Variants in DENND1B observed in about 807,000 individuals in gnomAD.
DENND1B encodes the protein DENN domain-containing protein 1B.
In DENND1B, 59 loss-of-function variants were observed where a neutral mutation model predicts 90.1. The ratio of observed to expected loss-of-function variants is 0.65; its 90% CI spans 0.53 to 0.81. DENND1B has a LOEUF of 0.81. Among genes scored for constraint, DENND1B ranks in the 40% least tolerant of loss-of-function variants. DENND1B has a pLI of 0.00. For synonymous variants in DENND1B, 337 were observed against 324.6 expected, an observed-to-expected ratio of 1.04 and a Z score of -0.41; for missense variants, 862 against 912.6, an observed-to-expected ratio of 0.94 and a Z score of 0.71.
chr1:197,672,253 C>T (rs1424484290), intron 4 of DENND1B, 97 bp from the exon 5 acceptor site: 2 of 1,368,142 alleles, frequency 1.5e-6, no homozygotes, highest in Non-Finnish European at 2.0e-6. Flanking sequence ...ACATTGGTTT[C>T]ATCTTTCTAA....
At chr1:197,732,655 T>C (rs1662256113) in intron 2 of DENND1B, among the ~76,000 whole-genome samples, 1 of 152,120 alleles carries the variant, frequency 6.6e-6, no homozygotes, top group Admixed American at 6.5e-5. Flanking sequence ...CATTAATACA[T>C]CCAAGCAAGA....
At chr1:197,518,454 T>C (rs1013268160) in intron 20 of DENND1B, among the ~76,000 whole-genome samples, 15 of 151,862 alleles carry the variant, frequency 9.9e-5, no homozygotes, top group Non-Finnish European at 2.1e-4. Context: ...CTTATTGGGG[T>C]AAGGAAGGCC....
intron 15 of DENND1B, among the ~76,000 whole-genome samples, chr1:197,567,887 G>T (rs966105919): frequency 2.0e-5 from 3 of 152,006 alleles, no homozygotes; most frequent in African/African-American, 7.2e-5. Context: ...TAAGGAACAA[G>T]ACAAGAGTTC....
chr1:197,678,841 T>C (rs1419094999), intron 3 of DENND1B, among the ~76,000 whole-genome samples: 3 of 152,184 alleles, frequency 2.0e-5, no homozygotes, highest in East Asian at 1.9e-4. Context: ...TCCAGCTTCA[T>C]CCATGTCCCT....
chr1:197,659,443 A>G (rs1654185817), intron 5 of DENND1B, among the ~76,000 whole-genome samples: 2 of 152,032 alleles, frequency 1.3e-5, no homozygotes. Flanking sequence ...ATTTAAAATG[A>G]TAATTACAAA....
At chr1:197,570,474 T>C (rs564362695) in intron 15 of DENND1B, among the ~76,000 whole-genome samples, 9 of 152,296 alleles carry the variant, frequency 5.9e-5, no homozygotes, top group African/African-American at 1.7e-4. Context: ...CTGGTAAGAA[T>C]AATCTTAAGA....
chr1:197,666,639 C>A (rs548284837), intron 5 of DENND1B, among the ~76,000 whole-genome samples: 2 of 152,230 alleles, frequency 1.3e-5, no homozygotes, highest in South Asian at 4.1e-4. Flanking sequence ...TGATTGCAAA[C>A]AAAAAGGCTT....
chr1:197,599,980 C>G (rs1264913972), intron 13 of DENND1B, among the ~76,000 whole-genome samples: 1 of 151,830 alleles, frequency 6.6e-6, no homozygotes. Flanking sequence ...GTTTATTTCA[C>G]TACAGCTATA....
chr1:197,587,489 G>A (rs1674804819), intron 14 of DENND1B, among the ~76,000 whole-genome samples: 1 of 152,164 alleles, frequency 6.6e-6, no homozygotes, highest in African/African-American at 2.4e-5. Flanking sequence ...ATCTGCAGTA[G>A]AATCGGAATA....
chr1:197,667,511 C>G (rs982403342), intron 5 of DENND1B, among the ~76,000 whole-genome samples: 1 of 152,076 alleles, frequency 6.6e-6, no homozygotes, highest in Non-Finnish European at 1.5e-5. Context: ...CTAACTGCAA[C>G]CTCCGCCTCC....
chr1:197,715,182 T>C (rs1431147020), intron 2 of DENND1B, 108 bp from the exon 3 acceptor site: 1 of 776,142 alleles, frequency 1.3e-6, no homozygotes, highest in Non-Finnish European at 2.0e-6. Flanking sequence ...AATTACAACA[T>C]TTAAATTTTT....
chr1:197,750,344 CAAGAG>C (rs1653303982), intron 2 of DENND1B, among the ~76,000 whole-genome samples: 1 of 150,998 alleles, frequency 6.6e-6, no homozygotes, highest in Non-Finnish European at 1.5e-5. Flanking sequence ...AAAACAAAGC[CAAGAG>C]AAGAGAAAAG....
chr1:197,582,876 C>G (rs2125773288), intron 15 of DENND1B, among the ~76,000 whole-genome samples: 1 of 152,246 alleles, frequency 6.6e-6, no homozygotes, highest in African/African-American at 2.4e-5. Flanking sequence ...ATAAGTAAAA[C>G]TAGTCATGTT....
At chr1:197,698,393 C>T (rs1046908114) in intron 3 of DENND1B, among the ~76,000 whole-genome samples, 2 of 152,058 alleles carry the variant, frequency 1.3e-5, no homozygotes, top group Non-Finnish European at 2.9e-5. Flanking sequence ...ATACCAGAAT[C>T]TCTGGTACAT....
At chr1:197,685,073 G>A (rs916385273) in intron 3 of DENND1B, among the ~76,000 whole-genome samples, 16 of 152,012 alleles carry the variant, frequency 1.1e-4, no homozygotes, top group Admixed American at 3.3e-4. Context: ...AGCCGAGATC[G>A]CACCACTGCA....
chr1:197,705,742 A>ATG (rs1659468257), intron 3 of DENND1B, among the ~76,000 whole-genome samples: 1 of 151,546 alleles, frequency 6.6e-6, no homozygotes, highest in Admixed American at 6.6e-5. Context: ...ATATATATAT[A>ATG]TATATTGGAA....
At chr1:197,679,041 G>C (rs1013143375) in intron 3 of DENND1B, among the ~76,000 whole-genome samples, 2 of 151,680 alleles carry the variant, frequency 1.3e-5, no homozygotes, top group Non-Finnish European at 2.9e-5. Context: ...AACTACATAG[G>C]TTATTAAATC....
chr1:197,625,443 A>C (rs1412729350), intron 10 of DENND1B, among the ~76,000 whole-genome samples: 1 of 152,020 alleles, frequency 6.6e-6, no homozygotes, highest in South Asian at 2.1e-4. Context: ...AAAATAAAAT[A>C]CTTTACAGAC....
At chr1:197,623,636 A>AGAAATGTCCCATGTTCTCC (rs1678376715) in intron 10 of DENND1B, among the ~76,000 whole-genome samples, 6 of 151,540 alleles carry the variant, frequency 4.0e-5, no homozygotes, top group Admixed American at 4.0e-4. Context: ...CAGAAAGTAC[A>AGAAATGTCCCATGTTCTCC]GAAATGTCCC....
Sources: gnomAD v4.1 joint callset for allele counts (sites outside exome capture counted in the v4.1 genomes callset) on GRCh38, gnomAD v4.1.1 for gene constraint, MANE v1.5 for transcripts, NCBI Gene and HGNC (gene_info 2026-07-23, HGNC 2026-07-21) for gene names.